The following SLC4A10 variants were observed in gnomAD, a reference collection of about 807,000 sequenced individuals.
SLC4A10 encodes the protein sodium-driven chloride bicarbonate exchanger.
SLC4A10 carries 42 observed loss-of-function variants against 137.7 expected under a neutral mutation model. That is an observed-to-expected ratio of 0.30 (90% CI 0.24 to 0.39). The LOEUF (loss-of-function observed/expected upper bound fraction) is 0.39, where lower values mean the gene tolerates loss of function less well. SLC4A10 is among the 10% of genes least tolerant of loss of function. The pLI is 1.00. For synonymous variants in SLC4A10, 474 were observed against 464.1 expected (o/e 1.02, Z -0.27); for missense variants, 925 against 1,355.0 (o/e 0.68, Z 4.98).
rs1553652476 is a variant in SLC4A10 at position 161,978,397 on chromosome 2, A to AAAAG, written c.*26+640_*26+641insGAAA. Among the ~76,000 whole-genome samples the AAAAG allele has an allele frequency of 3.0e-3, 445 of 150,318 alleles. 2 individuals are homozygous for AAAAG. Among genetic ancestry groups the AAAAG allele is most frequent in the Non-Finnish European group, 4.9e-3 (328 of 67,510 alleles). ...GAGAGACTCTGTCAAAAAAAAAAAA[A>AAAAG]AAAAGAAAAGAAAAAGAAAAAGAAA... On this transcript the variant is annotated intron_variant, in intron 26 of 26. Transcript: ENST00000446997.
At chr2:161,781,861 G>A (rs575487187) in intron 2 of SLC4A10, among the ~76,000 whole-genome samples, 2 of 152,112 alleles carry the variant, frequency 1.3e-5, no homozygotes, top group East Asian at 1.9e-4. Flanking sequence ...GGATATTCAC[G>A]ACAGCTGTCT....
chr2:161,830,631 T>C (rs2058375873), intron 3 of SLC4A10, among the ~76,000 whole-genome samples: 1 of 152,112 alleles, frequency 6.6e-6, no homozygotes, highest in Non-Finnish European at 1.5e-5. Flanking sequence ...AAGCTATGCA[T>C]AAAGTTCATA....
At chr2:161,745,035 A>G (rs2048265578) in intron 1 of SLC4A10, among the ~76,000 whole-genome samples, 1 of 152,134 alleles carries the variant, frequency 6.6e-6, no homozygotes, top group African/African-American at 2.4e-5. Context: ...TGTGTTGACA[A>G]AAATCCCCCA....
chr2:161,837,592 T>C (rs1441691897), intron 3 of SLC4A10, among the ~76,000 whole-genome samples: 2 of 152,166 alleles, frequency 1.3e-5, no homozygotes, highest in Admixed American at 6.5e-5. Flanking sequence ...GAAAAACTTG[T>C]TCTAAAATGT....
At chr2:161,895,063 C>T (rs1033224874) in intron 11 of SLC4A10, among the ~76,000 whole-genome samples, 1 of 132,618 alleles carries the variant, frequency 7.5e-6, no homozygotes, top group Non-Finnish European at 1.6e-5. Context: ...TCCCTCCCCC[C>T]TCCCCCCACT....
intron 23 of SLC4A10, among the ~76,000 whole-genome samples, chr2:161,966,063 A>G (rs977485874): frequency 1.1e-4 from 16 of 152,318 alleles, no homozygotes; most frequent in Non-Finnish European, 2.2e-4. Flanking sequence ...TCCTCAAACC[A>G]TAGATATATT....
intron 3 of SLC4A10, among the ~76,000 whole-genome samples, chr2:161,830,175 A>AT (rs2058341132): frequency 6.6e-6 from 1 of 151,682 alleles, no homozygotes; most frequent in East Asian, 1.9e-4. Context: ...AAAAAAAAAA[A>AT]AATAACAACA....
intron 1 of SLC4A10, among the ~76,000 whole-genome samples, chr2:161,671,638 CA>C (rs2039736350): frequency 6.6e-6 from 1 of 152,062 alleles, no homozygotes; most frequent in Non-Finnish European, 1.5e-5. Flanking sequence ...CAGCGTCATG[CA>C]AAAAGCCTAT....
intron 1 of SLC4A10, among the ~76,000 whole-genome samples, chr2:161,746,627 C>A (rs1195592219): frequency 6.6e-6 from 1 of 152,100 alleles, no homozygotes; most frequent in Admixed American, 6.6e-5. Flanking sequence ...TTTTACTCTT[C>A]TTTCCCCTTT....
At chr2:161,820,244 G>A (rs2057499391) in intron 3 of SLC4A10, among the ~76,000 whole-genome samples, 1 of 152,186 alleles carries the variant, frequency 6.6e-6, no homozygotes, top group African/African-American at 2.4e-5. Flanking sequence ...TTGATGGACA[G>A]TGGCTTCCTG....
At chr2:161,714,647 A>G (rs1448333252) in intron 1 of SLC4A10, among the ~76,000 whole-genome samples, 2 of 151,942 alleles carry the variant, frequency 1.3e-5, no homozygotes, top group Non-Finnish European at 2.9e-5. Context: ...AGGCTACTGT[A>G]TAACATGGAG....
Position 161,624,555 on chromosome 2 carries a change from C to T in SLC4A10, c.37C>T (p.Leu13=). The change falls in exon 1 of 27, where the codon CTG becomes TTG. Residue 13 remains leucine (L), a synonymous_variant. Transcript: ENST00000446997. ...IKDQGAQMEP[L]LPTRNDEEAV... ...AGACCAGGGAGCCCAAATGGAGCCG[C>T]TGCTGCCTACGGTAAGAGACAACCT... is the stretch of plus-strand genomic sequence containing the variant. 1 of 1,553,398 alleles carries T rather than the reference C, an allele frequency of 6.4e-7. No individual in the cohort carries two copies. Among genetic ancestry groups the T allele is most frequent in the Non-Finnish European group, 8.7e-7 (1 of 1,148,036 alleles).
chr2:161,971,050 T>C (rs184685353), intron 23 of SLC4A10, among the ~76,000 whole-genome samples: 65 of 152,368 alleles, frequency 4.3e-4, no homozygotes, highest in Non-Finnish European at 6.3e-4. Context: ...TTTGGTACTT[T>C]TCATAATGAT....
chr2:161,965,321 T>C, intron 23 of SLC4A10, 148 bp downstream of exon 23: 1 of 761,724 alleles, frequency 1.3e-6, no homozygotes, highest in Non-Finnish European at 1.9e-6. Context: ...TTTGGAAGTT[T>C]AATGTTTAAA....
rs367992718 is a variant in SLC4A10 at position 161,942,871 on chromosome 2, A to C, written c.2077A>C (p.Ile693Leu). Residue 693 changes from isoleucine (I) to leucine (L), a missense_variant, in exon 16 of 27, where the codon ATA (isoleucine) becomes CTA (leucine). Ile to Leu is a conservative substitution (Grantham distance 5). Around this residue, in one of 11 missense-constraint regions of SLC4A10, gnomAD observed 91 missense variants for 95.6 expected, o/e 0.95. Transcript: ENST00000446997. ...GGAATCCAATATTTCTGCCTCTGACATAATTTGGGAGAACCTAACTGTGTC... is the reference window on the plus strand; with the variant it reads ...GGAATCCAATATTTCTGCCTCTGACCTAATTTGGGAGAACCTAACTGTGTC... ...WRESNISASDIIWENLTVSEC... is the reference protein window; with the variant it reads ...WRESNISASDLIWENLTVSEC... The C allele has an allele frequency of 2.5e-6, 4 of 1,598,954 alleles. No homozygotes were observed. The African/African-American group carries it at 4.0e-5, about 16-fold the overall frequency.
At chr2:161,752,355 C>T (rs1267695433) in intron 1 of SLC4A10, among the ~76,000 whole-genome samples, 1 of 151,866 alleles carries the variant, frequency 6.6e-6, no homozygotes, top group Non-Finnish European at 1.5e-5. Context: ...CCATGAAGAG[C>T]TCAAATTTAA....
intron 1 of SLC4A10, among the ~76,000 whole-genome samples, chr2:161,719,274 G>A (rs1044387289): frequency 2.0e-5 from 3 of 152,060 alleles, no homozygotes; most frequent in African/African-American, 7.2e-5. Context: ...TGGTGTATAT[G>A]TGCCACATTT....
chr2:161,821,206 G>T (rs902897058), intron 3 of SLC4A10, among the ~76,000 whole-genome samples: 4 of 152,070 alleles, frequency 2.6e-5, no homozygotes, highest in African/African-American at 9.7e-5. Context: ...TCTCACTATT[G>T]TGGGTTCTGA....
At chr2:161,828,482 G>T (rs2058175637) in intron 3 of SLC4A10, among the ~76,000 whole-genome samples, 1 of 149,770 alleles carries the variant, frequency 6.7e-6, no homozygotes, top group Non-Finnish European at 1.5e-5. Flanking sequence ...CATTTAAAAT[G>T]TTATATATCT....
Sources: allele counts gnomAD v4.1 joint callset (sites outside exome capture counted in the v4.1 genomes callset), GRCh38; gene constraint gnomAD v4.1.1; regional missense constraint gnomAD v4.1.1; transcripts MANE v1.5; gene names NCBI Gene and HGNC (gene_info 2026-07-23, HGNC 2026-07-21).